The following SYNE1 variants were observed in gnomAD, a reference collection of about 807,000 sequenced individuals.
SYNE1 encodes the protein spectrin repeat containing nuclear envelope protein 1, also known as nesprin-1.
A neutral mutation model predicts 1,111.0 loss-of-function variants in SYNE1; 616 were observed. The ratio of observed to expected loss-of-function variants is 0.55; its 90% confidence interval spans 0.52 to 0.59. The LOEUF (loss-of-function observed/expected upper bound fraction) is 0.59. Ranked by LOEUF, SYNE1 falls within the 20% of genes least tolerant of loss-of-function variation. The pLI is 0.00. For missense variants in SYNE1, 10,006 were observed against 10,417.0 expected (o/e 0.96, Z 1.72); for synonymous variants, 3,855 against 3,825.8 (o/e 1.01, Z -0.28).
intron 3 of SYNE1, among the ~76,000 whole-genome samples, chr6:152,600,953 T>C (rs2099594716): frequency 6.6e-6 from 1 of 152,234 alleles, no homozygotes; most frequent in African/African-American, 2.4e-5. Context: ...CAGTTTCATC[T>C]TTTCTAGATG....
chr6:152,419,923 C>T (rs2098227601), intron 39 of SYNE1, among the ~76,000 whole-genome samples: 1 of 152,204 alleles, frequency 6.6e-6, no homozygotes, highest in African/African-American at 2.4e-5. Flanking sequence ...CCACCATTCA[C>T]CCTGTTGGTC....
intron 14 of SYNE1, among the ~76,000 whole-genome samples, chr6:152,481,970 C>T (rs1193619586): frequency 4.6e-5 from 7 of 151,788 alleles, no homozygotes; most frequent in East Asian, 1.9e-4. Flanking sequence ...TGTTTGTCTG[C>T]GTTGGTGATT....
At position 152,215,054 on chromosome 6, in the gene SYNE1, T is replaced by C. The variant is rs1463258184; in HGVS notation, c.22198A>G (p.Met7400Val). ...GGAGCCATGCTGCTGAATTTTAACA[T>C]CTGTCCCTAGAAGGAAGATTTAAAA... ...QERMEELKGQ[M>V]LKFSSMAPDL... Residue 7400 changes from methionine (M) to valine (V), a missense_variant, in exon 122 of 146, where the codon ATG (methionine) becomes GTG (valine). Physicochemically the swap from Met to Val is conservative, Grantham distance 21. Transcript: ENST00000367255. The C allele has an allele frequency of 2.5e-6, 4 of 1,614,058 alleles. No individual in the cohort carries two copies. Among genetic ancestry groups the C allele is most frequent in the Non-Finnish European group, 2.5e-6 (3 of 1,179,968 alleles).
intron 18 of SYNE1, among the ~76,000 whole-genome samples, chr6:152,464,318 G>A (rs2098752198): frequency 6.6e-6 from 1 of 152,146 alleles, no homozygotes; most frequent in Non-Finnish European, 1.5e-5. Context: ...TAAGCCTTGT[G>A]TGGGAGGACT....
intron 104 of SYNE1, among the ~76,000 whole-genome samples, chr6:152,250,338 A>C (rs945251340): frequency 6.6e-6 from 1 of 152,154 alleles, no homozygotes; most frequent in Non-Finnish European, 1.5e-5. Context: ...CAGCAAAAAT[A>C]TATTTGTCAG....
Position 152,391,505 on chromosome 6 carries a change from C to T in SYNE1, c.7776G>A (p.Gly2592=). The change falls in exon 52 of 146, where the codon GGG becomes GGA. Residue 2592 remains glycine, a synonymous_variant. Transcript: ENST00000367255. ...QLLSEEGHGA[G]QEGRLCSQLL... ...GCTGGGAACACAGGCGGCCCTCCTG[C>T]CCAGCACCGTGGCCTTCTTCACTCA... 3 of 1,613,076 alleles carry T rather than the reference C, an allele frequency of 1.9e-6. No homozygotes were observed. Among genetic ancestry groups the T allele is most frequent in the Non-Finnish European group, 2.5e-6 (3 of 1,179,866 alleles).
intron 104 of SYNE1, among the ~76,000 whole-genome samples, chr6:152,251,995 CA>C (rs386419770): frequency 1.0e-4 from 10 of 98,456 alleles, no homozygotes; most frequent in Admixed American, 9.8e-4. Context: ...TGTGTCCGGG[CA>C]CAGTGGTTCA....
chr6:152,291,851 A>C (rs750316739), intron 95 of SYNE1, among the ~76,000 whole-genome samples: 3 of 152,202 alleles, frequency 2.0e-5, no homozygotes, highest in Non-Finnish European at 4.4e-5. Flanking sequence ...GTGACTCTCA[A>C]ATGCACTCTA....
intron 18 of SYNE1, among the ~76,000 whole-genome samples, chr6:152,464,361 T>C (rs1298169890): frequency 6.6e-6 from 1 of 152,200 alleles, no homozygotes; most frequent in Non-Finnish European, 1.5e-5. Context: ...AGAACACTTC[T>C]GTTTCTGGTG....
chr6:152,427,558 G>T, intron 38 of SYNE1, 135 bp downstream of exon 38: 1 of 1,091,478 alleles, frequency 9.2e-7, no homozygotes, highest in Non-Finnish European at 1.3e-6. Context: ...ACACCCTGAT[G>T]TCAAATGATG....
intron 55 of SYNE1, among the ~76,000 whole-genome samples, chr6:152,382,416 A>G (rs918949800): frequency 2.6e-5 from 4 of 152,206 alleles, no homozygotes; most frequent in Admixed American, 2.0e-4. Flanking sequence ...ACTAGTCTAT[A>G]TAATATAGTT....
intron 105 of SYNE1, among the ~76,000 whole-genome samples, chr6:152,246,712 C>G (rs943094159): frequency 1.2e-4 from 18 of 152,112 alleles, no homozygotes; most frequent in Non-Finnish European, 2.2e-4. Context: ...TCAGAAGAGT[C>G]CCTTGAGCTC....
At chr6:152,258,767 T>C (rs2091423627) in intron 101 of SYNE1, among the ~76,000 whole-genome samples, 1 of 150,866 alleles carries the variant, frequency 6.6e-6, no homozygotes, top group Admixed American at 6.6e-5. Flanking sequence ...TTTTTTGAGA[T>C]GGAGTCTTGC....
chr6:152,391,155 A>G, intron 52 of SYNE1, 122 bp downstream of exon 52: 3 of 1,467,856 alleles, frequency 2.0e-6, no homozygotes, highest in South Asian at 2.3e-5. Flanking sequence ...CAATTTCTCC[A>G]TTTTGCCCAC....
chr6:152,149,237 T>A (rs897213249), intron 136 of SYNE1, among the ~76,000 whole-genome samples: 1 of 152,178 alleles, frequency 6.6e-6, no homozygotes. Flanking sequence ...CTCAAAACAA[T>A]CCTTTGTACA....
intron 42 of SYNE1, among the ~76,000 whole-genome samples, chr6:152,410,031 T>C (rs926614955): frequency 2.0e-5 from 3 of 152,208 alleles, no homozygotes; most frequent in Admixed American, 6.5e-5. Context: ...GTCATCCAAA[T>C]ATATATATTT....
At chr6:152,161,603 T>A (rs2062520212) in intron 131 of SYNE1, among the ~76,000 whole-genome samples, 1 of 152,154 alleles carries the variant, frequency 6.6e-6, no homozygotes, top group African/African-American at 2.4e-5. Context: ...TTCCTCTGAT[T>A]GTTCCTTTCT....
chr6:152,398,024 T>C (rs1442032397), intron 49 of SYNE1, among the ~76,000 whole-genome samples: 5 of 150,492 alleles, frequency 3.3e-5, no homozygotes, highest in African/African-American at 1.2e-4. Flanking sequence ...AAGAAAAAGG[T>C]TACTTTTTAG....
chr6:152,134,713 C>G (rs1468049422), intron 142 of SYNE1: 1 of 217,136 alleles, frequency 4.6e-6, no homozygotes, highest in African/African-American at 2.4e-5. Flanking sequence ...AAACAAAAGA[C>G]TTAATTGTCT....
Sources: allele counts gnomAD v4.1 joint callset (sites outside exome capture counted in the v4.1 genomes callset), GRCh38; gene constraint gnomAD v4.1.1; transcripts MANE v1.5; gene names NCBI Gene and HGNC (gene_info 2026-07-23, HGNC 2026-07-21).